SGCZ: variants seen among roughly 807,000 people sequenced by gnomAD.
The protein encoded by SGCZ is sarcoglycan zeta.
SGCZ carries 40 observed loss-of-function variants against 41.3 expected under a neutral mutation model. The observed-to-expected ratio is 0.97, with a 90% confidence interval of 0.75 to 1.26. The LOEUF is 1.26. Ranked by LOEUF, SGCZ falls within the 50% of genes most tolerant of loss-of-function variation. The pLI is 0.00. For missense variants in SGCZ, 552 were observed against 369.8 expected, an observed-to-expected ratio of 1.49 and a Z score of -4.04; for synonymous variants, 206 against 137.5, an observed-to-expected ratio of 1.50 and a Z score of -3.49.
chr8:15,080,404 C>T (rs1805696792), intron 1 of SGCZ, among the ~76,000 whole-genome samples: 1 of 152,056 alleles, frequency 6.6e-6, no homozygotes, highest in Non-Finnish European at 1.5e-5. Context: ...CCTGAGCATC[C>T]TGCCCCTCTC....
At chr8:14,148,066 G>A (rs939994985) in intron 5 of SGCZ, among the ~76,000 whole-genome samples, 1 of 151,770 alleles carries the variant, frequency 6.6e-6, no homozygotes, top group Non-Finnish European at 1.5e-5. Context: ...GTACTCAGAG[G>A]GACCATTATA....
At chr8:14,305,639 G>A (rs1424585249) in intron 3 of SGCZ, among the ~76,000 whole-genome samples, 2 of 152,120 alleles carry the variant, frequency 1.3e-5, no homozygotes, top group Admixed American at 1.3e-4. Flanking sequence ...ATAAAGAAAA[G>A]CTATAAAACT....
chr8:14,236,192 G>T (rs567826839), intron 4 of SGCZ, among the ~76,000 whole-genome samples: 1 of 152,194 alleles, frequency 6.6e-6, no homozygotes, highest in South Asian at 2.1e-4. Context: ...TAAGTGGATG[G>T]TTCTTGCTTC....
intron 1 of SGCZ, among the ~76,000 whole-genome samples, chr8:14,975,653 T>A (rs899577980): frequency 3.3e-5 from 5 of 152,082 alleles, no homozygotes; most frequent in Non-Finnish European, 7.4e-5. Context: ...GGACTCAGTG[T>A]ATATCTCAGG....
At chr8:14,395,941 C>T (rs78949271) in intron 2 of SGCZ, among the ~76,000 whole-genome samples, 5,761 of 152,070 alleles carry the variant, frequency 0.038, 349 homozygotes, top group African/African-American at 0.13. Flanking sequence ...ATTTCAGTTT[C>T]AAGAGGATCA....
intron 1 of SGCZ, among the ~76,000 whole-genome samples, chr8:15,214,166 A>C (rs1036375621): frequency 6.6e-6 from 1 of 152,064 alleles, no homozygotes; most frequent in Non-Finnish European, 1.5e-5. Flanking sequence ...TTAGGCACCA[A>C]AAGTGGCATT....
intron 4 of SGCZ, among the ~76,000 whole-genome samples, chr8:14,212,965 T>C (rs1378011427): frequency 1.3e-5 from 2 of 151,852 alleles, no homozygotes; most frequent in African/African-American, 2.4e-5. Flanking sequence ...AGAATGGAAA[T>C]AACAGGAGAT....
chr8:15,120,236 G>C (rs1301202127), intron 1 of SGCZ, among the ~76,000 whole-genome samples: 1 of 152,146 alleles, frequency 6.6e-6, no homozygotes, highest in East Asian at 1.9e-4. Context: ...CTACAGTTTT[G>C]CTTGGGATTG....
intron 3 of SGCZ, among the ~76,000 whole-genome samples, chr8:14,314,111 G>GA (rs1044329242): frequency 2.6e-5 from 4 of 151,966 alleles, no homozygotes; most frequent in African/African-American, 7.3e-5. Context: ...GTAATCTGTA[G>GA]AAAAAAATAC....
At chr8:14,921,175 C>T (rs1208718697) in intron 1 of SGCZ, among the ~76,000 whole-genome samples, 1 of 152,180 alleles carries the variant, frequency 6.6e-6, no homozygotes, top group Non-Finnish European at 1.5e-5. Flanking sequence ...ACTCAGCTTC[C>T]CGCATTCCCT....
intron 1 of SGCZ, among the ~76,000 whole-genome samples, chr8:15,225,678 T>C (rs1801746226): frequency 6.6e-6 from 1 of 152,288 alleles, no homozygotes; most frequent in East Asian, 1.9e-4. Flanking sequence ...GACACATTAT[T>C]TTATTCATAA....
intron 1 of SGCZ, among the ~76,000 whole-genome samples, chr8:14,830,859 C>G (rs1454757047): frequency 6.6e-6 from 1 of 152,034 alleles, no homozygotes; most frequent in Non-Finnish European, 1.5e-5. Context: ...TAAAAAAAGT[C>G]TTTGAAAACT....
chr8:14,471,348 G>C (rs925197488), intron 2 of SGCZ, among the ~76,000 whole-genome samples: 1 of 152,070 alleles, frequency 6.6e-6, no homozygotes, highest in Non-Finnish European at 1.5e-5. Flanking sequence ...CATACTTATA[G>C]AAATAGTACT....
At chr8:14,258,559 CA>C (rs1554489203) in intron 3 of SGCZ, among the ~76,000 whole-genome samples, 1 of 151,770 alleles carries the variant, frequency 6.6e-6, no homozygotes, top group East Asian at 1.9e-4. Flanking sequence ...TGTACTTCTC[CA>C]AAAAAATACT....
At chr8:14,667,072 T>A (rs1404497378) in intron 1 of SGCZ, among the ~76,000 whole-genome samples, 2 of 152,140 alleles carry the variant, frequency 1.3e-5, no homozygotes, top group African/African-American at 4.8e-5. Flanking sequence ...TATGTCAATG[T>A]TATAGTATTA....
intron 1 of SGCZ, among the ~76,000 whole-genome samples, chr8:15,232,542 A>G (rs528946825): frequency 1.3e-5 from 2 of 151,772 alleles, no homozygotes; most frequent in African/African-American, 4.8e-5. Context: ...TCTTAATGGC[A>G]TAAGTGATGT....
chr8:14,420,008 A>C (rs1277516388), intron 2 of SGCZ, among the ~76,000 whole-genome samples: 1 of 151,966 alleles, frequency 6.6e-6, no homozygotes, highest in Non-Finnish European at 1.5e-5. Flanking sequence ...TTGAAAGTAT[A>C]TTTTCTTCAT....
intron 2 of SGCZ, among the ~76,000 whole-genome samples, chr8:14,551,470 ATAT>A (rs1207012125): frequency 0.018 from 119 of 6,740 alleles, 5 homozygotes; most frequent in East Asian, 0.071. Flanking sequence ...TATATTATAT[ATAT>A]TATATATTAT....
At chr8:15,123,159 A>T (rs1807551980) in intron 1 of SGCZ, among the ~76,000 whole-genome samples, 1 of 152,012 alleles carries the variant, frequency 6.6e-6, no homozygotes, top group African/African-American at 2.4e-5. Flanking sequence ...TTTTCACACT[A>T]CCTTCTCATT....
Sources: allele counts gnomAD v4.1 joint callset (sites outside exome capture counted in the v4.1 genomes callset), GRCh38; gene constraint gnomAD v4.1.1; transcripts MANE v1.5; gene names NCBI Gene and HGNC (gene_info 2026-07-23, HGNC 2026-07-21).